GFM1: variants seen among roughly 807,000 people sequenced by gnomAD.
GFM1 encodes the protein G elongation factor mitochondrial 1.
In GFM1, 62 loss-of-function variants were observed where a neutral mutation model predicts 96.2. That is an observed-to-expected ratio of 0.64 (90% CI 0.53 to 0.80). The LOEUF (loss-of-function observed/expected upper bound fraction) is 0.80. Among genes scored for constraint, GFM1 ranks in the 30% least tolerant of loss-of-function variants. The probability of loss-of-function intolerance (pLI) is 0.00; values close to 1 mark genes in which losing one functional copy is unlikely to be tolerated. For missense variants in GFM1, 852 were observed against 916.6 expected, an observed-to-expected ratio of 0.93 and a Z score of 0.91; for synonymous variants, 282 against 312.9, an observed-to-expected ratio of 0.90 and a Z score of 1.04.
chr3:158,669,303 A>C (rs780808004), intron 13 of GFM1: 156 of 1,182,752 alleles, frequency 1.3e-4, no homozygotes, highest in Non-Finnish European at 1.7e-4. Context: ...GGATTGGATT[A>C]GAAATGAGTA....
intron 15 of GFM1, among the ~76,000 whole-genome samples, chr3:158,686,926 G>A (rs914945935): frequency 1.3e-5 from 2 of 151,376 alleles, no homozygotes; most frequent in South Asian, 2.1e-4. Context: ...AGAGACAAGG[G>A]TTCACCATGT....
At chr3:158,669,663 A>G in intron 13 of GFM1, 2 of 1,498,304 alleles carry the variant, frequency 1.3e-6, no homozygotes, top group South Asian at 2.4e-5. Flanking sequence ...TTCATTATTA[A>G]TTATCATCTT....
intron 15 of GFM1, chr3:158,685,408 C>T (rs983595689): frequency 5.9e-5 from 9 of 152,276 alleles, no homozygotes; most frequent in Middle Eastern, 3.4e-3. Context: ...TAATGTCCAC[C>T]GGTGTCTTTA....
chr3:158,662,578 A>C (rs746018998), intron 10 of GFM1, 50 bp from the exon 11 acceptor site: 3 of 1,077,124 alleles, frequency 2.8e-6, no homozygotes, highest in East Asian at 2.4e-5. Context: ...TCCCTGACCC[A>C]TATGGGTCTG....
intron 13 of GFM1, chr3:158,669,281 C>T: frequency 1.0e-5 from 12 of 1,194,076 alleles, no homozygotes; most frequent in South Asian, 3.1e-5. Context: ...TTTCTGAGGC[C>T]TCTTTTTTGT....
intron 13 of GFM1, chr3:158,672,517 G>T: frequency 6.2e-7 from 1 of 1,611,322 alleles, no homozygotes; most frequent in Non-Finnish European, 8.5e-7. Context: ...GGCTACTCTG[G>T]CTTAACGGGA....
intron 13 of GFM1, chr3:158,672,269 A>G (rs1576768334): frequency 6.4e-7 from 1 of 1,562,588 alleles, no homozygotes; most frequent in Admixed American, 1.7e-5. Flanking sequence ...GAGTGTCTGC[A>G]CCCAAAGGCT....
At chr3:158,690,097 TA>T in intron 15 of GFM1, 65 bp from the exon 16 acceptor site, 6 of 1,395,004 alleles carry the variant, frequency 4.3e-6, no homozygotes, top group Non-Finnish European at 6.1e-6. Flanking sequence ...CTCCCTTTTT[TA>T]TATCTGGACA....
chr3:158,667,203 GT>G (rs778383418), intron 13 of GFM1: 89 of 1,029,678 alleles, frequency 8.6e-5, no homozygotes, highest in Non-Finnish European at 1.1e-4. Flanking sequence ...AAAATTGAAT[GT>G]CATAATTTCA....
chr3:158,659,173 GT>G, intron 9 of GFM1, 114 bp downstream of exon 9: 1 of 1,207,726 alleles, frequency 8.3e-7, no homozygotes, highest in East Asian at 2.4e-5. Context: ...TATGTTTCTA[GT>G]TTCTTTCTAC....
chr3:158,685,170 C>T (rs1433897544), intron 15 of GFM1: 1 of 156,542 alleles, frequency 6.4e-6, no homozygotes, highest in Non-Finnish European at 1.4e-5. Context: ...CTAAAATTGT[C>T]AACATTTCTC....
In GFM1 at chr3:158,646,419, A is replaced by G. The variant is rs554128756; in HGVS notation, c.367+122A>G. On this transcript the variant is annotated intron_variant, in intron 3 of 17. Transcript: ENST00000486715. ...CTCAAAAGTGTAACACTGAATTCCT[A>G]TTAAAGAAGACTAACTTAGGACCTA... 25 of 1,055,096 alleles carry G rather than the reference A, an allele frequency of 2.4e-5. No individual in the cohort carries two copies. In the East Asian group the frequency reaches 3.3e-4, roughly 14 times the overall value. The allele number at this position is 1,055,096 out of a possible 1,614,324, so 65.4% of individuals were successfully genotyped here. A position where few individuals can be genotyped will look rare whatever the true frequency, so the allele number is the denominator to read the frequency against.
intron 13 of GFM1, chr3:158,669,015 A>G (rs1407791084): frequency 1.9e-6 from 3 of 1,611,790 alleles, no homozygotes; most frequent in Non-Finnish European, 2.5e-6. Context: ...GACAGTTTGA[A>G]TTTTTACCAT....
chr3:158,669,019 T>C (rs1338463886), intron 13 of GFM1: 1 of 1,612,396 alleles, frequency 6.2e-7, no homozygotes. Context: ...GTTTGAATTT[T>C]TACCATTTTA....
chr3:158,689,596 G>A (rs762386950), intron 15 of GFM1, among the ~76,000 whole-genome samples: 4 of 151,896 alleles, frequency 2.6e-5, no homozygotes, highest in Non-Finnish European at 5.9e-5. Context: ...CCAACATGTC[G>A]AAAGCCTGTG....
chr3:158,650,078 G>A (rs894083845), intron 5 of GFM1: 23 of 1,527,842 alleles, frequency 1.5e-5, no homozygotes, highest in Non-Finnish European at 2.0e-5. Flanking sequence ...GAATGGCATT[G>A]TGATCAGTGA....
chr3:158,674,906 C>T (rs1212913541), intron 13 of GFM1, among the ~76,000 whole-genome samples: 2 of 151,946 alleles, frequency 1.3e-5, no homozygotes, highest in African/African-American at 2.4e-5. Context: ...CCAAAAATGT[C>T]TAAGAAAAAA....
At chr3:158,667,051 T>C in intron 13 of GFM1, 1 of 1,592,522 alleles carries the variant, frequency 6.3e-7, no homozygotes, top group Admixed American at 1.8e-5. Flanking sequence ...TGTAGTCTAA[T>C]TCAATAAAGT....
In GFM1 at chr3:158,665,470, C is replaced by T. The variant is rs2108051033; in HGVS notation, c.1514C>T (p.Ala505Val). 3 of 1,608,284 alleles carry T rather than the reference C, an allele frequency of 1.9e-6. No homozygotes were observed. The highest frequency in any genetic ancestry group is 2.2e-5 in the South Asian group (2 of 90,934). Residue 505 changes from alanine to valine, a missense_variant, in exon 12 of 18, where the codon GCT (alanine) becomes GTT (valine). Coordinates refer to ENST00000486715, the MANE Select transcript of GFM1 (RefSeq NM_024996.7). ...GGAGAATTACACCTGGAAATCTATG[C>T]TCAGGTAATGAATAATAAGGAAGTT... is the stretch of plus-strand genomic sequence containing the variant. ...GMGELHLEIYAQRLEREYGCP... is the reference protein window; with the variant it reads ...GMGELHLEIYVQRLEREYGCP...
Sources: allele counts gnomAD v4.1 joint callset (sites outside exome capture counted in the v4.1 genomes callset), GRCh38; gene constraint gnomAD v4.1.1; transcripts MANE v1.5; gene names NCBI Gene and HGNC (gene_info 2026-07-23, HGNC 2026-07-21).